Variants in PDE11A observed in about 807,000 individuals in gnomAD.
PDE11A encodes phosphodiesterase 11A, also known as dual 3',5'-cyclic-AMP and -GMP phosphodiesterase 11A.
PDE11A carries 100 observed loss-of-function variants against 100.5 expected under a neutral mutation model. The ratio of observed to expected loss-of-function variants is 1.00; its 90% CI spans 0.85 to 1.18. PDE11A has a LOEUF of 1.18. Ranked by LOEUF, PDE11A falls within the 50% of genes most tolerant of loss-of-function variation. The probability of loss-of-function intolerance (pLI) is 0.00; values close to 1 mark genes in which losing one functional copy is unlikely to be tolerated. For synonymous variants in PDE11A, 381 were observed against 420.8 expected (o/e 0.91, Z 1.16); for missense variants, 1,141 against 1,152.6 (o/e 0.99, Z 0.15).
At chr2:177,940,463 C>A (rs2085333158) in intron 2 of PDE11A, among the ~76,000 whole-genome samples, 1 of 152,114 alleles carries the variant, frequency 6.6e-6, no homozygotes, top group African/African-American at 2.4e-5. Flanking sequence ...TTATTTATTC[C>A]AGCATAGCTG....
At chr2:177,792,700 A>G (rs1458177279) in intron 9 of PDE11A, among the ~76,000 whole-genome samples, 2 of 152,160 alleles carry the variant, frequency 1.3e-5, no homozygotes, top group Non-Finnish European at 2.9e-5. Context: ...GCAAAGGGCA[A>G]TTTCCAATCT....
chr2:178,014,701 A>T (rs549423245), intron 1 of PDE11A, among the ~76,000 whole-genome samples: 1 of 152,214 alleles, frequency 6.6e-6, no homozygotes, highest in African/African-American at 2.4e-5. Context: ...ACCGCAACAC[A>T]TCAAAATTGG....
chr2:178,101,553 T>G (rs1040398636), intron 2 of PDE11A, among the ~76,000 whole-genome samples: 6 of 152,192 alleles, frequency 3.9e-5, no homozygotes, highest in African/African-American at 1.4e-4. Flanking sequence ...TCAGACTTAC[T>G]CATCTAGCTC....
chr2:177,866,294 C>A (rs145231655), intron 5 of PDE11A, among the ~76,000 whole-genome samples: 14 of 152,316 alleles, frequency 9.2e-5, no homozygotes, highest in Middle Eastern at 3.4e-3. Flanking sequence ...GTGATGAGGG[C>A]AGGAACTGGG....
chr2:177,727,355 G>A (rs1211344765), intron 12 of PDE11A, among the ~76,000 whole-genome samples: 1 of 151,962 alleles, frequency 6.6e-6, no homozygotes, highest in Non-Finnish European at 1.5e-5. Context: ...CATTTCCTCT[G>A]CAAAAAGATT....
chr2:177,922,724 T>C (rs2085071329), intron 2 of PDE11A: 1 of 985,534 alleles, frequency 1.0e-6, no homozygotes, highest in Non-Finnish European at 1.2e-6. Context: ...GGCTGTTCCA[T>C]GGCTTCCTAT....
chr2:178,059,546 T>C (rs1325311841), intron 1 of PDE11A, among the ~76,000 whole-genome samples: 1 of 152,228 alleles, frequency 6.6e-6, no homozygotes, highest in East Asian at 1.9e-4. Context: ...TTTTCATTTT[T>C]CACTGAGTCC....
At chr2:177,671,238 TTCTC>T (rs2080675015) in intron 17 of PDE11A, among the ~76,000 whole-genome samples, 1 of 150,168 alleles carries the variant, frequency 6.7e-6, no homozygotes, top group Non-Finnish European at 1.5e-5. Context: ...TCGTTGCTCT[TTCTC>T]AAGTACTTGT....
At chr2:177,660,440 G>A (rs1446529656) in intron 19 of PDE11A, among the ~76,000 whole-genome samples, 1 of 152,092 alleles carries the variant, frequency 6.6e-6, no homozygotes, top group Non-Finnish European at 1.5e-5. Flanking sequence ...ATATGGTAAA[G>A]AGGGCCTGCA....
chr2:177,765,618 C>G (rs1345627802), intron 10 of PDE11A, among the ~76,000 whole-genome samples: 3 of 152,328 alleles, frequency 2.0e-5, no homozygotes, highest in South Asian at 2.1e-4. Flanking sequence ...TGTTAGCACA[C>G]TGACCCATTC....
rs565904759 is a variant in PDE11A at position 178,028,787 on chromosome 2, G to A, written c.913-14327C>T. Among the ~76,000 whole-genome samples, 32 of 152,160 alleles carry A rather than the reference G, an allele frequency of 2.1e-4. No homozygotes were observed. In the South Asian group the frequency reaches 3.9e-3, roughly 19 times the overall value. On this transcript the variant is annotated intron_variant, in intron 1 of 19. Transcript: ENST00000286063. ...CTGGGCTAGAAAGATCTGATATATC[G>A]GCTAGCATTTACTCTCATGCAAATA...
intron 2 of PDE11A, among the ~76,000 whole-genome samples, chr2:177,927,323 C>G (rs1046334436): frequency 1.3e-5 from 2 of 152,222 alleles, no homozygotes; most frequent in African/African-American, 4.8e-5. Flanking sequence ...AAACCTGCCA[C>G]TTGTCGTACT....
intron 2 of PDE11A, among the ~76,000 whole-genome samples, chr2:177,967,568 G>A (rs927951564): frequency 2.6e-5 from 4 of 151,662 alleles, no homozygotes; most frequent in African/African-American, 4.8e-5. Context: ...TTGAATAAAC[G>A]TTAATTTCTA....
chr2:178,094,372 T>C (rs966554765), intron 2 of PDE11A, among the ~76,000 whole-genome samples: 1 of 149,826 alleles, frequency 6.7e-6, no homozygotes, highest in Non-Finnish European at 1.5e-5. Flanking sequence ...CTACAAAAAA[T>C]AGAAAAAAAA....
chr2:177,826,867 A>G (rs574133462), intron 6 of PDE11A, among the ~76,000 whole-genome samples: 39 of 152,378 alleles, frequency 2.6e-4, no homozygotes, highest in African/African-American at 7.5e-4. Flanking sequence ...ACTGGTTCAC[A>G]CTAAGTAACA....
chr2:177,832,617 C>T lies in PDE11A; in HGVS notation c.1500+7634G>A, dbSNP rs192306141. 6.0e-5 allele frequency among the ~76,000 whole-genome samples: 9 copies of T among 150,610 alleles called. No individual in the cohort carries two copies. The South Asian group carries it at 6.3e-4, about 11-fold the overall frequency. On this transcript the variant is annotated intron_variant, in intron 6 of 19. Coordinates refer to ENST00000286063, the MANE Select transcript of PDE11A (RefSeq NM_016953.4). ...TCTATCTATCTCCTATTAGTTCTGTCCTTCTAGGTGACTAATAGAAGTCGC... is the reference window on the plus strand; with the variant it reads ...TCTATCTATCTCCTATTAGTTCTGTTCTTCTAGGTGACTAATAGAAGTCGC...
chr2:177,971,867 A>G (rs1204159721), intron 2 of PDE11A, among the ~76,000 whole-genome samples: 1 of 150,038 alleles, frequency 6.7e-6, no homozygotes, highest in East Asian at 1.9e-4. Context: ...AGTAATTCAG[A>G]AAAAAAAAAG....
intron 2 of PDE11A, among the ~76,000 whole-genome samples, chr2:177,981,017 C>T (rs2105803047): frequency 9.3e-6 from 1 of 107,254 alleles, no homozygotes; most frequent in South Asian, 3.0e-4. Context: ...CACACACACA[C>T]ACAGCAGAAG....
At chr2:178,058,336 A>C (rs1012958408) in intron 1 of PDE11A, among the ~76,000 whole-genome samples, 1 of 152,226 alleles carries the variant, frequency 6.6e-6, no homozygotes, top group Admixed American at 6.5e-5. Flanking sequence ...ATGTTGTGGA[A>C]GGAATCTGGT....
Sources: allele counts gnomAD v4.1 joint callset (sites outside exome capture counted in the v4.1 genomes callset), GRCh38; gene constraint gnomAD v4.1.1; transcripts MANE v1.5; gene names NCBI Gene and HGNC (gene_info 2026-07-23, HGNC 2026-07-21).